Variants in PCDH9 observed in about 807,000 individuals in gnomAD.
The protein encoded by PCDH9 is protocadherin 9.
PCDH9 carries 24 observed loss-of-function variants against 70.6 expected under a neutral mutation model. The observed-to-expected ratio is 0.34, with a 90% CI of 0.25 to 0.48. The LOEUF (loss-of-function observed/expected upper bound fraction) is 0.48, where lower values mean the gene tolerates loss of function less well. PCDH9 is among the 20% of genes least tolerant of loss of function. The pLI, the probability that PCDH9 is intolerant of heterozygous loss-of-function variation, is 0.99. For missense variants in PCDH9, 1,281 were observed against 1,503.6 expected (o/e 0.85, Z 2.45); for synonymous variants, 562 against 558.5 (o/e 1.01, Z -0.09).
At chr13:66,752,008 A>C (rs1402776215) in intron 3 of PCDH9, among the ~76,000 whole-genome samples, 2 of 152,306 alleles carry the variant, frequency 1.3e-5, no homozygotes, top group East Asian at 3.9e-4. Flanking sequence ...ATTTACTATG[A>C]TTAAGGAGAC....
chr13:67,068,165 T>C (rs906940540), intron 2 of PCDH9, among the ~76,000 whole-genome samples: 3 of 152,060 alleles, frequency 2.0e-5, no homozygotes, highest in African/African-American at 4.8e-5. Context: ...ATCAAAATAG[T>C]ATCACATTTA....
chr13:67,197,054 A>C lies in PCDH9; in HGVS notation c.3036+28351T>G, dbSNP rs116432774. Among the ~76,000 whole-genome samples, 1,375 of 151,862 alleles carry C rather than the reference A, an allele frequency of 9.1e-3. 16 individuals carry two copies. Among genetic ancestry groups the C allele is most frequent in the African/African-American group, 0.031 (1,299 of 41,510 alleles). ...TCCCTCCATAGGGATTATCTGTGCA[A>C]TTTATAGTAATGAAAGGACAATGGA... On this transcript the variant is annotated intron_variant, in intron 2 of 4. Transcript: ENST00000377865.
intron 3 of PCDH9, among the ~76,000 whole-genome samples, chr13:66,797,737 A>T (rs780216177): frequency 1.3e-5 from 2 of 152,066 alleles, no homozygotes; most frequent in Non-Finnish European, 2.9e-5. Context: ...TGTGCATTTA[A>T]ATAAAAACAC....
intron 3 of PCDH9, among the ~76,000 whole-genome samples, chr13:66,887,946 A>G (rs1395991567): frequency 6.6e-6 from 1 of 152,216 alleles, no homozygotes; most frequent in African/African-American, 2.4e-5. Context: ...TGGATGATAA[A>G]GGTACATTGT....
At chr13:66,617,646 C>T (rs2077372751) in intron 4 of PCDH9, among the ~76,000 whole-genome samples, 1 of 152,194 alleles carries the variant, frequency 6.6e-6, no homozygotes, top group Non-Finnish European at 1.5e-5. Flanking sequence ...TTTGGCTTTC[C>T]TCTCCCTGTG....
At chr13:66,834,157 C>CTT (rs11431335) in intron 3 of PCDH9, among the ~76,000 whole-genome samples, 2,592 of 124,518 alleles carry the variant, frequency 0.021, 104 homozygotes, top group Non-Finnish European at 0.028. Context: ...TACCTATGGT[C>CTT]TTTTTTTTTT....
chr13:66,586,224 C>A (rs1184582295), intron 4 of PCDH9, among the ~76,000 whole-genome samples: 1 of 151,816 alleles, frequency 6.6e-6, no homozygotes, highest in African/African-American at 2.4e-5. Context: ...ATTAATGACA[C>A]AATATTTGCA....
chr13:66,594,618 T>C (rs538375486), intron 4 of PCDH9, among the ~76,000 whole-genome samples: 1 of 151,524 alleles, frequency 6.6e-6, no homozygotes, highest in Non-Finnish European at 1.5e-5. Context: ...CACCTAGATA[T>C]TAAGCCCAGA....
intron 2 of PCDH9, among the ~76,000 whole-genome samples, chr13:67,105,895 TAGAG>T (rs946903187): frequency 4.0e-5 from 6 of 151,114 alleles, no homozygotes; most frequent in Non-Finnish European, 8.9e-5. Flanking sequence ...CATTAAAGGA[TAGAG>T]AAATATATCT....
At chr13:67,078,333 A>C (rs1357495776) in intron 2 of PCDH9, among the ~76,000 whole-genome samples, 1 of 151,748 alleles carries the variant, frequency 6.6e-6, no homozygotes, top group Non-Finnish European at 1.5e-5. Context: ...TTCCTTGCCC[A>C]CCTCTTCTTT....
intron 2 of PCDH9, 56 bp downstream of exon 2, chr13:67,225,349 T>G: frequency 6.5e-7 from 1 of 1,537,126 alleles, no homozygotes; most frequent in East Asian, 2.2e-5. Context: ...ACGTTAATAC[T>G]GGTTGACTGG....
chr13:66,579,859 T>C (rs1320677628), intron 4 of PCDH9, among the ~76,000 whole-genome samples: 1 of 151,932 alleles, frequency 6.6e-6, no homozygotes, highest in East Asian at 1.9e-4. Context: ...AACTATTAAG[T>C]TAGAAAGAAG....
chr13:66,951,775 T>A (rs2083185545), intron 2 of PCDH9, among the ~76,000 whole-genome samples: 1 of 152,206 alleles, frequency 6.6e-6, no homozygotes, highest in African/African-American at 2.4e-5. Context: ...GAGGGTAGTT[T>A]GGAGGTTACA....
intron 2 of PCDH9, among the ~76,000 whole-genome samples, chr13:67,075,539 G>C (rs888967338): frequency 6.6e-6 from 1 of 151,810 alleles, no homozygotes; most frequent in African/African-American, 2.4e-5. Flanking sequence ...AATCATGATG[G>C]GTTTTTTTTC....
chr13:67,050,192 G>T (rs967188686), intron 2 of PCDH9, among the ~76,000 whole-genome samples: 3 of 152,172 alleles, frequency 2.0e-5, no homozygotes, highest in African/African-American at 7.2e-5. Context: ...AAATTTGGTT[G>T]CAAGAGATAC....
chr13:66,619,336 A>G lies in PCDH9; in HGVS notation c.3340+11874T>C, dbSNP rs901242803. The stretch of plus-strand genomic sequence containing the variant: ...ACTATTAATTTTATTAGTCTTTAGA[A>G]AATGGGTGTTTTGGAGCCCCATCAG... On this transcript the variant is annotated intron_variant, in intron 4 of 4. Transcript: ENST00000377865. 1.4e-4 allele frequency among the ~76,000 whole-genome samples: 22 copies of G among 152,308 alleles called. 1 individual carries two copies. The East Asian group carries it at 3.5e-3, about 24-fold the overall frequency.
intron 4 of PCDH9, among the ~76,000 whole-genome samples, chr13:66,321,227 G>C (rs1955747363): frequency 6.6e-6 from 1 of 152,026 alleles, no homozygotes; most frequent in Admixed American, 6.5e-5. Flanking sequence ...TTTTTCCTCA[G>C]AAGCTGAATG....
intron 3 of PCDH9, among the ~76,000 whole-genome samples, chr13:66,734,037 T>A (rs1035408542): frequency 5.3e-5 from 8 of 152,120 alleles, no homozygotes; most frequent in Middle Eastern, 6.3e-3. Flanking sequence ...CCACTCTGGA[T>A]CTTATGGTAA....
At chr13:66,935,461 T>C (rs1415985574) in intron 2 of PCDH9, among the ~76,000 whole-genome samples, 1 of 152,154 alleles carries the variant, frequency 6.6e-6, no homozygotes, top group Non-Finnish European at 1.5e-5. Context: ...TTTACTGAAA[T>C]GTACTAGGTG....
Sources: gnomAD v4.1 joint callset for allele counts (sites outside exome capture counted in the v4.1 genomes callset) on GRCh38, gnomAD v4.1.1 for gene constraint, MANE v1.5 for transcripts, NCBI Gene and HGNC (gene_info 2026-07-23, HGNC 2026-07-21) for gene names.